Variants in ASTN2 observed in about 807,000 individuals in gnomAD.
The protein encoded by ASTN2 is astrotactin-2.
A neutral mutation model predicts 139.8 loss-of-function variants in ASTN2; 54 were observed. The observed-to-expected ratio is 0.39, with a 90% CI of 0.31 to 0.48. ASTN2 has a LOEUF of 0.48. Ranked by LOEUF, ASTN2 falls within the 20% of genes least tolerant of loss-of-function variation. The pLI, the probability that ASTN2 is intolerant of heterozygous loss-of-function variation, is 0.95. For synonymous variants in ASTN2, 756 were observed against 719.5 expected (o/e 1.05, Z -0.81); for missense variants, 1,565 against 1,725.1 (o/e 0.91, Z 1.64).
intron 13 of ASTN2, among the ~76,000 whole-genome samples, chr9:116,743,010 G>C (rs1046307423): frequency 3.3e-5 from 5 of 152,032 alleles, no homozygotes; most frequent in African/African-American, 1.2e-4. Flanking sequence ...TCAGAGCCAA[G>C]CTCAAACAAA....
At chr9:116,937,203 C>T (rs1021969637) in intron 10 of ASTN2, among the ~76,000 whole-genome samples, 8 of 152,092 alleles carry the variant, frequency 5.3e-5, no homozygotes, top group African/African-American at 1.9e-4. Context: ...TTTCAGATTG[C>T]CTTCAGGAGA....
chr9:116,852,324 C>T (rs924311026), intron 11 of ASTN2, among the ~76,000 whole-genome samples: 3 of 152,158 alleles, frequency 2.0e-5, no homozygotes, highest in Non-Finnish European at 2.9e-5. Flanking sequence ...TAGAGGGGCT[C>T]AGATACATTC....
chr9:116,986,035 T>C (rs1386461228), intron 7 of ASTN2, among the ~76,000 whole-genome samples: 1 of 152,158 alleles, frequency 6.6e-6, no homozygotes, highest in Non-Finnish European at 1.5e-5. Flanking sequence ...GTCACAAGGA[T>C]TGCAGACAAT....
At chr9:117,106,520 T>C (rs1178688633) in intron 4 of ASTN2, among the ~76,000 whole-genome samples, 2 of 152,154 alleles carry the variant, frequency 1.3e-5, no homozygotes, top group Non-Finnish European at 2.9e-5. Context: ...TTTTTATTAA[T>C]TCCTTCAGCC....
At chr9:116,590,891 A>C (rs2131732092) in intron 19 of ASTN2, among the ~76,000 whole-genome samples, 1 of 152,204 alleles carries the variant, frequency 6.6e-6, no homozygotes, top group South Asian at 2.1e-4. Context: ...AGAGCTAGAG[A>C]GCTGGACACT....
chr9:117,000,961 T>C (rs1837174993), intron 7 of ASTN2, among the ~76,000 whole-genome samples: 1 of 152,172 alleles, frequency 6.6e-6, no homozygotes, highest in South Asian at 2.1e-4. Flanking sequence ...CTCCAGCACA[T>C]CACAGATCTA....
intron 3 of ASTN2, among the ~76,000 whole-genome samples, chr9:117,172,677 AC>A (rs1277159598): frequency 6.6e-6 from 1 of 152,140 alleles, no homozygotes; most frequent in Non-Finnish European, 1.5e-5. Flanking sequence ...AGAGTGGGTA[AC>A]ATTTCTATCC....
At chr9:116,765,181 C>T (rs1192117397) in intron 13 of ASTN2, among the ~76,000 whole-genome samples, 2 of 152,104 alleles carry the variant, frequency 1.3e-5, no homozygotes, top group Admixed American at 1.3e-4. Flanking sequence ...GAGCATCATC[C>T]GATATGGCAG....
chr9:117,083,986 C>T (rs569230971), intron 5 of ASTN2, among the ~76,000 whole-genome samples: 2 of 148,466 alleles, frequency 1.3e-5, no homozygotes, highest in African/African-American at 5.0e-5. Context: ...GCCAAGACTG[C>T]TTGACGTTTC....
intron 19 of ASTN2, among the ~76,000 whole-genome samples, chr9:116,589,796 C>T (rs1854306231): frequency 6.6e-6 from 1 of 152,216 alleles, no homozygotes; most frequent in African/African-American, 2.4e-5. Context: ...GGCTTTGAGC[C>T]TGTCATACCA....
intron 17 of ASTN2, among the ~76,000 whole-genome samples, chr9:116,645,773 C>T (rs1450952168): frequency 6.6e-6 from 1 of 152,150 alleles, no homozygotes; most frequent in African/African-American, 2.4e-5. Context: ...CCCCTGAGAT[C>T]CCTCCATTTG....
intron 11 of ASTN2, among the ~76,000 whole-genome samples, chr9:116,834,744 T>G (rs1831932377): frequency 6.6e-6 from 1 of 152,240 alleles, no homozygotes; most frequent in Admixed American, 6.5e-5. Flanking sequence ...TGCCTTTTAA[T>G]TTTGGTATTT....
chr9:116,928,962 C>T (rs1398702607), intron 10 of ASTN2, among the ~76,000 whole-genome samples: 2 of 152,220 alleles, frequency 1.3e-5, no homozygotes, highest in Non-Finnish European at 2.9e-5. Context: ...TAAGTGTACA[C>T]AGCCATTAAA....
At chr9:116,745,249 A>G (rs1295122321) in intron 13 of ASTN2, among the ~76,000 whole-genome samples, 1 of 152,126 alleles carries the variant, frequency 6.6e-6, no homozygotes, top group African/African-American at 2.4e-5. Flanking sequence ...TTAGTTTCCA[A>G]TCCAGTCCTG....
At chr9:116,970,534 T>A (rs183078117) in intron 10 of ASTN2, among the ~76,000 whole-genome samples, 28 of 152,332 alleles carry the variant, frequency 1.8e-4, no homozygotes, top group Middle Eastern at 3.4e-3. Flanking sequence ...AAGTATGACA[T>A]TTTTTGTTTG....
rs1385399655 is a variant in ASTN2, at chr9:117,039,798, T to A, written c.1423+21A>T. 3 of 1,609,358 alleles carry A rather than the reference T, an allele frequency of 1.9e-6. No homozygotes were observed. In the South Asian group the frequency reaches 3.3e-5, roughly 18 times the overall value. ...CAAGGTGCTGAGTGGGTGTGGAGCA[T>A]CTGCAATGCTCGGCTCTTACCATCT... On this transcript the variant is annotated intron_variant, in intron 6 of 22. Coordinates refer to ENST00000313400, the MANE Select transcript of ASTN2 (RefSeq NM_001365068.1).
intron 4 of ASTN2, 55 bp from the exon 5 acceptor site, chr9:117,096,206 G>C: frequency 6.2e-6 from 9 of 1,447,204 alleles, no homozygotes; most frequent in Non-Finnish European, 8.7e-6. Context: ...AAGTTTGTGA[G>C]ATTCCTCAAC....
At chr9:117,084,638 A>G (rs755156956) in intron 5 of ASTN2, among the ~76,000 whole-genome samples, 1 of 152,232 alleles carries the variant, frequency 6.6e-6, no homozygotes, top group Non-Finnish European at 1.5e-5. Context: ...AGTGACACTT[A>G]ATACATAGTT....
chr9:116,649,815 C>G (rs1428635283), intron 17 of ASTN2, among the ~76,000 whole-genome samples: 2 of 152,156 alleles, frequency 1.3e-5, no homozygotes, highest in African/African-American at 4.8e-5. Flanking sequence ...CATGCATCAT[C>G]ATCACCTCAT....
Sources: gnomAD v4.1 joint callset for allele counts (sites outside exome capture counted in the v4.1 genomes callset) on GRCh38, gnomAD v4.1.1 for gene constraint, MANE v1.5 for transcripts, NCBI Gene and HGNC (gene_info 2026-07-23, HGNC 2026-07-21) for gene names.